Variants in FAM234A observed in about 807,000 individuals in gnomAD.
FAM234A encodes the protein protein FAM234A.
A neutral mutation model predicts 49.1 loss-of-function variants in FAM234A; 42 were observed. The ratio of observed to expected loss-of-function variants is 0.86; its 90% CI spans 0.67 to 1.11. The LOEUF (loss-of-function observed/expected upper bound fraction) is 1.11, where lower values mean the gene tolerates loss of function less well. FAM234A is among the 50% of genes least tolerant of loss of function. The pLI, the probability that FAM234A is intolerant of heterozygous loss-of-function variation, is 0.00. For missense variants in FAM234A, 815 were observed against 745.2 expected (o/e 1.09, Z -1.09); for synonymous variants, 369 against 316.2 (o/e 1.17, Z -1.77).
intron 8 of FAM234A, 108 bp downstream of exon 8, chr16:262,661 GC>G: frequency 8.6e-7 from 1 of 1,166,144 alleles, no homozygotes; most frequent in East Asian, 2.9e-5. Flanking sequence ...AGCCCCACCG[GC>G]AGGGAGGTGC....
downstream of FAM234A, among the ~76,000 whole-genome samples, chr16:267,811 TAC>T (rs901810718): frequency 7.0e-6 from 1 of 143,664 alleles, no homozygotes; most frequent in Non-Finnish European, 1.5e-5. Flanking sequence ...ACACGTGCAC[TAC>T]ACACAATCAC....
intron 3 of FAM234A, among the ~76,000 whole-genome samples, chr16:256,397 G>C (rs181969104): frequency 1.9e-3 from 291 of 152,274 alleles, no homozygotes; most frequent in Non-Finnish European, 2.8e-3. Context: ...GCTAGTGGGT[G>C]TGAATTAGAA....
intron 9 of FAM234A, 43 bp downstream of exon 9, chr16:263,445 C>T (rs767352177): frequency 4.4e-6 from 7 of 1,595,718 alleles, no homozygotes; most frequent in Non-Finnish European, 6.0e-6. Flanking sequence ...TGCACCCCTT[C>T]CCGGCATCCC....
chr16:236,825 A>G (rs80348218), intron 1 of FAM234A, among the ~76,000 whole-genome samples: 1,370 of 100,332 alleles, frequency 0.014, 305 homozygotes, highest in African/African-American at 0.041. Context: ...AGAATGGCGG[A>G]AACCCCGGGG....
chr16:263,072 C>A (rs892869875), intron 8 of FAM234A, among the ~76,000 whole-genome samples, 190 bp from the exon 9 acceptor site: 3 of 152,162 alleles, frequency 2.0e-5, no homozygotes, highest in Non-Finnish European at 1.5e-5. Context: ...CCCGCCTCGG[C>A]CTCCCAAAGT....
chr16:240,256 C>G (rs934977142), intron 1 of FAM234A: 1 of 152,138 alleles, frequency 6.6e-6, no homozygotes, highest in African/African-American at 2.4e-5. Flanking sequence ...TGAAGTCTGT[C>G]GGAAAATTCA....
Position 265,435 on chromosome 16 carries a change from C to G in FAM234A, c.*413C>G, listed in dbSNP as rs1379361917. 9.9e-7 allele frequency: 1 copy of G among 1,006,928 alleles called. No individual in the cohort carries two copies. Among genetic ancestry groups the G allele is most frequent in the African/African-American group, 1.7e-5 (1 of 57,952 alleles). The allele number at this position is 1,006,928 out of a possible 1,614,324, so 62.4% of individuals were successfully genotyped here. On this transcript the variant is annotated 3_prime_UTR_variant, in exon 13 of 13. Coordinates refer to ENST00000399932, the MANE Select transcript of FAM234A (RefSeq NM_032039.4). ...TCGCGTAGAAAGAACCAGGGTGTCCCCGGGACAGGCCGTCCCCCACCCCAT... is the reference window on the plus strand; with the variant it reads ...TCGCGTAGAAAGAACCAGGGTGTCCGCGGGACAGGCCGTCCCCCACCCCAT...
At chr16:246,026 GA>G (rs1258579816) in intron 1 of FAM234A, among the ~76,000 whole-genome samples, 3 of 151,868 alleles carry the variant, frequency 2.0e-5, no homozygotes, top group African/African-American at 7.3e-5. Context: ...TCATCATGGT[GA>G]AACCGTCTCT....
chr16:260,302 G>C, intron 5 of FAM234A, 142 bp downstream of exon 5: 1 of 764,168 alleles, frequency 1.3e-6, no homozygotes, highest in Non-Finnish European at 2.2e-6. Flanking sequence ...GTTATGGGGA[G>C]AACCTCCAAG....
downstream of FAM234A, chr16:269,532 C>G (rs768880161): frequency 5.6e-6 from 9 of 1,613,438 alleles, no homozygotes; most frequent in Non-Finnish European, 6.8e-6. Flanking sequence ...GGATCCCAGC[C>G]TCTGCCAGGA....
At chr16:257,093 G>A (rs2051262929) in intron 3 of FAM234A, among the ~76,000 whole-genome samples, 1 of 152,082 alleles carries the variant, frequency 6.6e-6, no homozygotes, top group African/African-American at 2.4e-5. Context: ...TGGCCAGGCT[G>A]ATCTCAAACT....
intron 6 of FAM234A, among the ~76,000 whole-genome samples, chr16:261,759 C>T (rs2051475961): frequency 6.6e-6 from 1 of 152,228 alleles, no homozygotes; most frequent in Non-Finnish European, 1.5e-5. Context: ...TGTGCTGTTG[C>T]AGTGTTGGGG....
chr16:263,866 G>A lies in FAM234A; in HGVS notation c.1188+91G>A. 14 of 1,402,410 alleles carry A rather than the reference G, an allele frequency of 1.0e-5. No individual in the cohort carries two copies. The South Asian group carries it at 1.4e-4, about 14-fold the overall frequency. 86.9% of individuals were successfully genotyped at this position (1,402,410 alleles called of 1,614,324 possible). Reference sequence around the variant, plus strand: ...AGACGGGGCTGCGGCCCAGGAGGCTGCTGCCGTCAGAGCTGCTGAGAAGGT... The same window carrying A: ...AGACGGGGCTGCGGCCCAGGAGGCTACTGCCGTCAGAGCTGCTGAGAAGGT... On this transcript the variant is annotated intron_variant, in intron 10 of 12. Transcript: ENST00000399932.
Position 264,108 on chromosome 16 carries a change from C to G in FAM234A, c.1281C>G (p.Thr427=), listed in dbSNP as rs373393536. 1.2e-6 allele frequency: 2 copies of G among 1,611,592 alleles called. No homozygotes were observed. The highest frequency in any genetic ancestry group is 4.5e-5 in the East Asian group (2 of 44,866). ...GTCCACTGTCCGCCAGCCTGCCGAC[C>G]GCAGACCACCGCTCAGCCTTCTTCT... ...PGGPLSASLP[T]ADHRSAFFFW... The change falls in exon 11 of 13, where the codon ACC becomes ACG. Residue 427 remains threonine, a synonymous_variant. Coordinates refer to ENST00000399932, the MANE Select transcript of FAM234A (RefSeq NM_032039.4).
intron 1 of FAM234A, among the ~76,000 whole-genome samples, chr16:242,981 CTTT>C (rs202179166): frequency 4.3e-5 from 6 of 139,344 alleles, no homozygotes; most frequent in Non-Finnish European, 1.6e-5. Flanking sequence ...TGAGCCCTCA[CTTT>C]TTTTTTTTTT....
intron 2 of FAM234A, among the ~76,000 whole-genome samples, chr16:251,466 C>T (rs905237110): frequency 5.9e-5 from 9 of 151,922 alleles, no homozygotes; most frequent in Non-Finnish European, 1.5e-5. Flanking sequence ...CCTCCACCCC[C>T]CTGGGCTCTA....
At position 265,321 on chromosome 16, in the gene FAM234A, G is replaced by A; in HGVS notation, c.*299G>A. ...AGGCAGCCTTCATAGTGGTCTCCCT[G>A]GCCACCTTGGGCAGAGCTGGGTCAT... On this transcript the variant is annotated 3_prime_UTR_variant, in exon 13 of 13. Transcript: ENST00000399932. 1 of 1,190,766 alleles carries A rather than the reference G, an allele frequency of 8.4e-7. No individual in the cohort carries two copies. The highest frequency in any genetic ancestry group is 1.0e-6 in the Non-Finnish European group (1 of 957,296). 73.8% of individuals were successfully genotyped at this position (1,190,766 alleles called of 1,614,324 possible).
chr16:268,989 G>A, downstream of FAM234A: 1 of 1,503,502 alleles, frequency 6.7e-7, no homozygotes, highest in Non-Finnish European at 9.1e-7. Context: ...TGTGGCCTTG[G>A]TCTCACCTCT....
rs754857776 is a variant in FAM234A, at chr16:262,199, G to C, written c.815G>C (p.Gly272Ala). 1.2e-6 allele frequency: 2 copies of C among 1,613,968 alleles called. No individual in the cohort carries two copies. Among genetic ancestry groups the C allele is most frequent in the Non-Finnish European group, 1.7e-6 (2 of 1,180,006 alleles). Residue 272 changes from glycine (G) to alanine (A), a missense_variant, in exon 7 of 13, where the codon GGT becomes GCT. Physicochemically the swap from Gly to Ala is moderately conservative, Grantham distance 60. Transcript: ENST00000399932. ...SGFLLHVTRT[G>A]AHYILFPCAS... is the part of the protein sequence containing the mutation. ...TTCCTCCTTCACGTCACCAGGACAG[G>C]TGCCCACTACATCCTCTTTCCCTGC...
Sources: allele counts gnomAD v4.1 joint callset (sites outside exome capture counted in the v4.1 genomes callset), GRCh38; gene constraint gnomAD v4.1.1; transcripts MANE v1.5; gene names NCBI Gene and HGNC (gene_info 2026-07-23, HGNC 2026-07-21).